Variants in PPP3CB observed in about 807,000 individuals in gnomAD.
The protein encoded by PPP3CB is serine/threonine-protein phosphatase 2B catalytic subunit beta isoform.
A neutral mutation model predicts 66.4 loss-of-function variants in PPP3CB; 8 were observed. The ratio of observed to expected loss-of-function variants is 0.12; its 90% CI spans 0.07 to 0.22. The LOEUF (loss-of-function observed/expected upper bound fraction) is 0.22. Ranked by LOEUF, PPP3CB falls within the 10% of genes least tolerant of loss-of-function variation. The pLI is 1.00. For missense variants in PPP3CB, 319 were observed against 642.5 expected, an observed-to-expected ratio of 0.50 and a Z score of 5.44; for synonymous variants, 208 against 221.2, an observed-to-expected ratio of 0.94 and a Z score of 0.53.
chr10:73,494,187 T>G (rs558363582), intron 1 of PPP3CB, among the ~76,000 whole-genome samples: 1 of 152,310 alleles, frequency 6.6e-6, no homozygotes, highest in African/African-American at 2.4e-5. Flanking sequence ...TTCTCTGTAT[T>G]AAGGATTCCA....
chr10:73,455,859 C>T (rs1484313241), intron 9 of PPP3CB, among the ~76,000 whole-genome samples: 11 of 152,238 alleles, frequency 7.2e-5, no homozygotes, highest in South Asian at 2.1e-4. Flanking sequence ...CGTGAGCCAC[C>T]GCGCCCAGCC....
chr10:73,449,740 C>T (rs1241254394), intron 10 of PPP3CB, among the ~76,000 whole-genome samples: 1 of 151,950 alleles, frequency 6.6e-6, no homozygotes, highest in Non-Finnish European at 1.5e-5. Context: ...ATACATTAAA[C>T]AATACAGAGC....
At chr10:73,438,561 C>A (rs1444811346) in intron 13 of PPP3CB, 141 bp from the exon 14 acceptor site, 1 of 703,342 alleles carries the variant, frequency 1.4e-6, no homozygotes. Flanking sequence ...TGAATCCTAT[C>A]CTCATTTCAG....
At chr10:73,464,174 C>A (rs533107546) in intron 9 of PPP3CB, among the ~76,000 whole-genome samples, 81 of 152,150 alleles carry the variant, frequency 5.3e-4, no homozygotes, top group African/African-American at 1.8e-3. Context: ...ATGATCCACC[C>A]ACCTCAGCCT....
chr10:73,465,532 AGTCT>A (rs375341220), intron 9 of PPP3CB, among the ~76,000 whole-genome samples: 4 of 152,126 alleles, frequency 2.6e-5, no homozygotes, highest in African/African-American at 9.7e-5. Flanking sequence ...ACTGCACTCT[AGTCT>A]GTGTGACAGA....
At chr10:73,472,801 C>G (rs1468561423) in intron 4 of PPP3CB, among the ~76,000 whole-genome samples, 1 of 152,096 alleles carries the variant, frequency 6.6e-6, no homozygotes, top group Non-Finnish European at 1.5e-5. Context: ...AAGCAGGAAG[C>G]CAATATAGAA....
chr10:73,438,531 C>T, intron 13 of PPP3CB, 111 bp from the exon 14 acceptor site: 2 of 911,084 alleles, frequency 2.2e-6, no homozygotes, highest in Non-Finnish European at 3.4e-6. Flanking sequence ...TAAGTAGCAA[C>T]ACATAAATCT....
chr10:73,450,933 G>A (rs181206770), intron 10 of PPP3CB, among the ~76,000 whole-genome samples: 101 of 151,762 alleles, frequency 6.7e-4, no homozygotes, highest in African/African-American at 2.2e-3. Context: ...AATAACAAGT[G>A]GATAAATTAT....
At chr10:73,454,722 C>CA (rs58855717) in intron 9 of PPP3CB, among the ~76,000 whole-genome samples, 6,125 of 91,326 alleles carry the variant, frequency 0.067, 353 homozygotes, top group African/African-American at 0.2. Context: ...TCAGGCCTCT[C>CA]AAAAAAAAAA....
chr10:73,457,469 G>A (rs1212554875), intron 9 of PPP3CB, among the ~76,000 whole-genome samples: 2 of 151,686 alleles, frequency 1.3e-5, no homozygotes, highest in African/African-American at 4.8e-5. Context: ...AGCTAGGCCG[G>A]GGGTCATGCC....
At chr10:73,464,656 T>A (rs190908910) in intron 9 of PPP3CB, among the ~76,000 whole-genome samples, 1 of 152,126 alleles carries the variant, frequency 6.6e-6, no homozygotes, top group Admixed American at 6.6e-5. Context: ...TAAACGTTTT[T>A]GGCAGTGGCT....
intron 9 of PPP3CB, among the ~76,000 whole-genome samples, chr10:73,458,588 G>C (rs760948283): frequency 1.3e-5 from 2 of 151,684 alleles, no homozygotes; most frequent in Non-Finnish European, 2.9e-5. Flanking sequence ...GACTGCTTGA[G>C]CTCAGGAGTT....
rs182892671 is a variant in PPP3CB, at chr10:73,460,181, T to C, written c.1109-5692A>G. On this transcript the variant is annotated intron_variant, in intron 9 of 13. Coordinates refer to ENST00000360663, the MANE Select transcript of PPP3CB (RefSeq NM_021132.4). ...TTATCTCGAAAGCTACATGGAGCCA[T>C]TTAACGGATATTAAATCGTAGCTTT... 1.6e-3 allele frequency among the ~76,000 whole-genome samples: 246 copies of C among 150,578 alleles called. 1 individual carries two copies. The highest frequency in any genetic ancestry group is 5.8e-3 in the African/African-American group (237 of 40,552).
chr10:73,495,692 G>C, intron 1 of PPP3CB, 113 bp downstream of exon 1: 1 of 1,430,642 alleles, frequency 7.0e-7, no homozygotes, highest in Non-Finnish European at 9.2e-7. Flanking sequence ...AAGGGAGGCA[G>C]CCAGTCACTC....
rs191202968 is a variant in PPP3CB at position 73,445,749 on chromosome 10, C to A, written c.1268+743G>T. ...CACCCAGCCTAAGGGCCTAAGTACC[C>A]TTTTTTTTTTTTTTTCTGAGACAGA... On this transcript the variant is annotated intron_variant, in intron 11 of 13. Transcript: ENST00000360663. Among the ~76,000 whole-genome samples, 82 of 129,622 alleles carry A rather than the reference C, an allele frequency of 6.3e-4. 1 individual carries two copies. The highest frequency in any genetic ancestry group is 2.1e-3 in the African/African-American group (71 of 34,354). 85.0% of individuals were successfully genotyped at this position (129,622 alleles called of 152,430 possible).
chr10:73,463,953 CAG>C (rs1234780268), intron 9 of PPP3CB, among the ~76,000 whole-genome samples: 1 of 151,890 alleles, frequency 6.6e-6, no homozygotes, highest in Non-Finnish European at 1.5e-5. Flanking sequence ...TTTTTTGAGA[CAG>C]AGTCTCGCTC....
chr10:73,448,154 G>C (rs989744252), intron 10 of PPP3CB, among the ~76,000 whole-genome samples: 2 of 152,046 alleles, frequency 1.3e-5, no homozygotes, highest in African/African-American at 4.8e-5. Context: ...GTGTTGGGGA[G>C]GATGGCTGTA....
chr10:73,476,128 C>T lies in PPP3CB; in HGVS notation c.412-1098G>A, dbSNP rs78244385. Among the ~76,000 whole-genome samples the T allele has an allele frequency of 7.8e-3, 1,188 of 151,574 alleles. 19 individuals are homozygous for T. Among genetic ancestry groups the T allele is most frequent in the African/African-American group, 0.027 (1,135 of 41,318 alleles). On this transcript the variant is annotated intron_variant, in intron 3 of 13. Coordinates refer to ENST00000360663, the MANE Select transcript of PPP3CB (RefSeq NM_021132.4). ...TGCCTGACTTGGCCAACCTGTGCTG[C>T]GATTACAGGTGTGAGCCACCACACC... is the stretch of plus-strand genomic sequence containing the variant.
At chr10:73,480,809 C>T (rs909140208) in intron 1 of PPP3CB, among the ~76,000 whole-genome samples, 28 of 152,018 alleles carry the variant, frequency 1.8e-4, no homozygotes, top group African/African-American at 2.2e-4. Flanking sequence ...TTTTTCACTC[C>T]GCAGTACATA....
Sources: gnomAD v4.1 joint callset for allele counts (sites outside exome capture counted in the v4.1 genomes callset) on GRCh38, gnomAD v4.1.1 for gene constraint, MANE v1.5 for transcripts, NCBI Gene and HGNC (gene_info 2026-07-23, HGNC 2026-07-21) for gene names.